The following AGMO variants were observed in gnomAD, a reference collection of about 807,000 sequenced individuals.
AGMO encodes glyceryl-ether monooxygenase.
Under a neutral mutation model 60.2 loss-of-function variants are expected in AGMO, and 75 were observed. That is an observed-to-expected ratio of 1.25 (90% CI 1.03 to 1.51). The LOEUF (loss-of-function observed/expected upper bound fraction) is 1.51, where lower values mean the gene tolerates loss of function less well. Ranked by LOEUF, AGMO falls within the 40% of genes most tolerant of loss-of-function variation. The pLI, the probability that AGMO is intolerant of heterozygous loss-of-function variation, is 0.00. For missense variants in AGMO, 763 were observed against 525.5 expected (o/e 1.45, Z -4.42); for synonymous variants, 261 against 177.1 (o/e 1.47, Z -3.76).
intron 3 of AGMO, among the ~76,000 whole-genome samples, chr7:15,443,446 A>C (rs763661515): frequency 2.0e-5 from 3 of 152,092 alleles, no homozygotes; most frequent in Non-Finnish European, 4.4e-5. Context: ...CAATACTTTG[A>C]CTATTATACC....
At chr7:15,157,324 G>C in the AGMO span, among the ~76,000 whole-genome samples, 1 of 152,296 alleles carries the variant, frequency 6.6e-6, no homozygotes, top group East Asian at 1.9e-4. Context: ...GGAGAGTAAA[G>C]AGTGGAGTGA....
chr7:15,383,670 C>A (rs557051591), intron 10 of AGMO, among the ~76,000 whole-genome samples: 10 of 151,964 alleles, frequency 6.6e-5, no homozygotes, highest in African/African-American at 1.2e-4. Flanking sequence ...TTATTAATTT[C>A]TTTTACTTAT....
intron 12 of AGMO, among the ~76,000 whole-genome samples, chr7:15,347,620 A>AC (rs1782081229): frequency 1.3e-5 from 2 of 151,786 alleles, no homozygotes; most frequent in Admixed American, 1.3e-4. Context: ...TTCCCAAAAA[A>AC]AATGTGGGCG....
At chr7:15,504,752 G>A (rs1783467459) in intron 3 of AGMO, among the ~76,000 whole-genome samples, 2 of 147,374 alleles carry the variant, frequency 1.4e-5, no homozygotes, top group African/African-American at 2.5e-5. Context: ...AAGTTGGCAA[G>A]AAAGGTTTTT....
At chr7:15,418,247 A>G (rs1383457252) in intron 5 of AGMO, among the ~76,000 whole-genome samples, 1 of 152,048 alleles carries the variant, frequency 6.6e-6, no homozygotes, top group Non-Finnish European at 1.5e-5. Context: ...ATGAATTTCA[A>G]CATCTCTTGG....
At chr7:15,165,255 G>A in the AGMO span, among the ~76,000 whole-genome samples, 2 of 152,018 alleles carry the variant, frequency 1.3e-5, no homozygotes, top group African/African-American at 2.4e-5. Flanking sequence ...AGAGAATAAG[G>A]GTTGAAAAAT....
At chr7:15,425,901 T>A (rs1479773993) in intron 4 of AGMO, among the ~76,000 whole-genome samples, 2 of 152,228 alleles carry the variant, frequency 1.3e-5, no homozygotes, top group South Asian at 2.1e-4. Flanking sequence ...GCTAAAAAAT[T>A]CACTCACTCT....
intron 12 of AGMO, among the ~76,000 whole-genome samples, chr7:15,327,105 AG>A (rs1781360267): frequency 6.6e-6 from 1 of 152,198 alleles, no homozygotes; most frequent in South Asian, 2.1e-4. Flanking sequence ...TTGTGCAATG[AG>A]TGACCCTCTG....
At chr7:15,210,417 A>G (rs939341460) in intron 12 of AGMO, among the ~76,000 whole-genome samples, 18 of 152,162 alleles carry the variant, frequency 1.2e-4, no homozygotes, top group Admixed American at 2.6e-4. Context: ...AGTCAGATGG[A>G]CAGAATTTCC....
chr7:15,190,248 T>C, the AGMO span, among the ~76,000 whole-genome samples: 1 of 142,568 alleles, frequency 7.0e-6, no homozygotes, highest in Non-Finnish European at 1.6e-5. Context: ...TATATATATA[T>C]ATGCAGCAAA....
At chr7:15,323,424 G>T (rs1033282503) in intron 12 of AGMO, among the ~76,000 whole-genome samples, 2 of 152,160 alleles carry the variant, frequency 1.3e-5, no homozygotes, top group Non-Finnish European at 1.5e-5. Flanking sequence ...TTTCAAGGGG[G>T]ATAAAAGATA....
chr7:15,326,939 G>C (rs1428982621), intron 12 of AGMO, among the ~76,000 whole-genome samples: 1 of 152,172 alleles, frequency 6.6e-6, no homozygotes, highest in Non-Finnish European at 1.5e-5. Flanking sequence ...TTTATAAGCT[G>C]CTGCAAAGTT....
At chr7:15,312,592 T>G (rs1390339499) in intron 12 of AGMO, among the ~76,000 whole-genome samples, 2 of 151,958 alleles carry the variant, frequency 1.3e-5, no homozygotes, top group African/African-American at 4.8e-5. Flanking sequence ...GTGGAAATCT[T>G]TCAAGAATAA....
At chr7:15,417,391 C>G (rs1287715183) in intron 5 of AGMO, among the ~76,000 whole-genome samples, 1 of 152,118 alleles carries the variant, frequency 6.6e-6, no homozygotes, top group Non-Finnish European at 1.5e-5. Context: ...GTGACTGAGG[C>G]ACTATTGTTC....
In AGMO at chr7:15,544,913, T is replaced by C. The variant is rs1482294252; in HGVS notation, c.268A>G (p.Arg90Gly). The C allele has an allele frequency of 3.3e-6, 5 of 1,530,292 alleles. No individual in the cohort carries two copies. Among genetic ancestry groups the C allele is most frequent in the East Asian group, 4.8e-5 (2 of 41,786 alleles). The allele number at this position is 1,530,292 out of a possible 1,614,324, so 94.8% of individuals were successfully genotyped here. Residue 90 changes from arginine to glycine, a missense_variant, in exon 3 of 13, where the codon AGG becomes GGG. Transcript: ENST00000342526. ...VLSRLPSLFFRSIELTSYIYI... is the reference protein window; with the variant it reads ...VLSRLPSLFFGSIELTSYIYI... ...ATATAACTGGTCAGTTCAATGCTCC[T>C]GAAAAATAGACTGGAAGATAAAATT...
intron 3 of AGMO, among the ~76,000 whole-genome samples, chr7:15,534,082 T>TA (rs943008565): frequency 3.5e-4 from 53 of 151,724 alleles, no homozygotes; most frequent in African/African-American, 6.0e-4. Flanking sequence ...GCCTCGATTG[T>TA]AAAAAAAAGA....
chr7:15,236,992 A>T (rs998140735), intron 12 of AGMO, among the ~76,000 whole-genome samples: 2 of 152,116 alleles, frequency 1.3e-5, no homozygotes, highest in African/African-American at 4.8e-5. Context: ...AAACAAACAT[A>T]AAAAATGTAA....
intron 3 of AGMO, among the ~76,000 whole-genome samples, chr7:15,544,488 T>C (rs1296686823): frequency 6.6e-6 from 1 of 152,114 alleles, no homozygotes; most frequent in South Asian, 2.1e-4. Context: ...AAAAACCAAA[T>C]GGTAAATAAT....
chr7:15,469,895 G>T (rs146939680), intron 3 of AGMO, among the ~76,000 whole-genome samples: 1 of 151,968 alleles, frequency 6.6e-6, no homozygotes, highest in Non-Finnish European at 1.5e-5. Context: ...TAGGATGATT[G>T]TCATGTGTCA....
Sources: gnomAD v4.1 joint callset for allele counts (sites outside exome capture counted in the v4.1 genomes callset) on GRCh38, gnomAD v4.1.1 for gene constraint, MANE v1.5 for transcripts, NCBI Gene and HGNC (gene_info 2026-07-23, HGNC 2026-07-21) for gene names.